The following HEPACAM variants were observed in gnomAD, a reference collection of about 807,000 sequenced individuals.
HEPACAM encodes the protein hepatocyte cell adhesion molecule.
Under a neutral mutation model 38.3 loss-of-function variants are expected in HEPACAM, and 18 were observed. The ratio of observed to expected loss-of-function variants is 0.47; its 90% CI spans 0.33 to 0.70. HEPACAM has a LOEUF of 0.70. Among genes scored for constraint, HEPACAM ranks in the 30% least tolerant of loss-of-function variants. The probability of loss-of-function intolerance (pLI) is 0.03; values close to 1 mark genes in which losing one functional copy is unlikely to be tolerated. For missense variants in HEPACAM, 466 were observed against 563.0 expected (o/e 0.83, Z 1.74); for synonymous variants, 216 against 243.1 (o/e 0.89, Z 1.04).
At chr11:124,930,855 T>C (rs1363786620) in intron 1 of HEPACAM, among the ~76,000 whole-genome samples, 3 of 152,214 alleles carry the variant, frequency 2.0e-5, no homozygotes, top group African/African-American at 7.2e-5. Flanking sequence ...TTTGGATGGA[T>C]TGCAGATCTA....
Position 124,925,034 on chromosome 11 carries a change from G to A in HEPACAM, c.121C>T (p.Arg41Cys), listed in dbSNP as rs917878985. The A allele has an allele frequency of 8.7e-6, 14 of 1,602,550 alleles. No individual in the cohort carries two copies. Among genetic ancestry groups the A allele is most frequent in the South Asian group, 3.3e-5 (3 of 89,858 alleles). Reference protein sequence around the residue: ...LEGVNITSPVRLIHGTVGKSA... With the variant: ...LEGVNITSPVCLIHGTVGKSA... ...TTCCCCACGGTGCCATGGATCAGGC[G>A]CACGGGGCTGGTGATGTTCACCCCC... The change falls in exon 2 of 7, where the codon CGC (arginine) becomes TGC (cysteine). Residue 41 changes from arginine to cysteine, a missense_variant. By Grantham distance (180) the Arg-to-Cys change is radical. Transcript: ENST00000298251.
At chr11:124,927,024 A>G (rs1947221247) in intron 1 of HEPACAM, among the ~76,000 whole-genome samples, 1 of 151,846 alleles carries the variant, frequency 6.6e-6, no homozygotes. Context: ...GCCCGCCACC[A>G]CGCCCGGCCA....
Position 124,919,628 on chromosome 11 carries a change from C to T in HEPACAM, c.*1510G>A. On this transcript the variant is annotated 3_prime_UTR_variant, in exon 7 of 7. Coordinates refer to ENST00000298251, the MANE Select transcript of HEPACAM (RefSeq NM_152722.5). ...CGAAGGCACACCTGCTCAAATGAGC[C>T]TGGGGAAGTGCCGAGGGACAGGGAG... is the stretch of plus-strand genomic sequence containing the variant. 1 of 1,134,034 alleles carries T rather than the reference C, an allele frequency of 8.8e-7. No individual in the cohort carries two copies. 70.2% of individuals were successfully genotyped at this position (1,134,034 alleles called of 1,614,324 possible).
intron 1 of HEPACAM, among the ~76,000 whole-genome samples, chr11:124,935,501 T>C (rs1441168734): frequency 6.6e-6 from 1 of 152,154 alleles, no homozygotes. Context: ...TCATCTGCCT[T>C]ACTCTTTTAC....
In HEPACAM at chr11:124,920,432, G is replaced by A; in HGVS notation, c.*706C>T. On this transcript the variant is annotated 3_prime_UTR_variant, in exon 7 of 7. Coordinates refer to ENST00000298251, the MANE Select transcript of HEPACAM (RefSeq NM_152722.5). ...CCTCCGAGGGAGGCTGTGGGAGGAG[G>A]CCAAGCTGGCAGGCTCGGGTTCTTT... 1 of 1,547,498 alleles carries A rather than the reference G, an allele frequency of 6.5e-7. No individual in the cohort carries two copies. Among genetic ancestry groups the A allele is most frequent in the Non-Finnish European group, 8.7e-7 (1 of 1,145,678 alleles).
At chr11:124,928,914 A>G (rs1947250730) in intron 1 of HEPACAM, among the ~76,000 whole-genome samples, 1 of 152,228 alleles carries the variant, frequency 6.6e-6, no homozygotes. Context: ...ACAGGTGTGC[A>G]TCCTCAACTT....
rs1947340898 is a variant in HEPACAM, at chr11:124,935,948, A to C, written c.59T>G (p.Phe20Cys). Residue 20 changes from phenylalanine (F) to cysteine (C), a missense_variant, in exon 1 of 7, where the codon TTT becomes TGT. Phe to Cys is a radical substitution (Grantham distance 205). Coordinates refer to ENST00000298251, the MANE Select transcript of HEPACAM (RefSeq NM_152722.5). ...RASRALRLAP[F>C]VYLLLIQTDP... ...TGTCTGGATCAGAAGAAGGTAGACA[A>C]AAGGAGCAAGGCGCAGGGCCCTGGA... is the stretch of plus-strand genomic sequence containing the variant. 1 of 1,613,830 alleles carries C rather than the reference A, an allele frequency of 6.2e-7. No individual in the cohort carries two copies. Among genetic ancestry groups the C allele is most frequent in the Non-Finnish European group, 8.5e-7 (1 of 1,179,980 alleles).
chr11:124,922,573 A>T, intron 5 of HEPACAM, 115 bp from the exon 6 acceptor site: 1 of 1,601,442 alleles, frequency 6.2e-7, no homozygotes, highest in Non-Finnish European at 8.5e-7. Context: ...ACATATCTGA[A>T]TATCCTGGCT....
chr11:124,932,598 G>A (rs1233614866), intron 1 of HEPACAM, among the ~76,000 whole-genome samples: 1 of 152,120 alleles, frequency 6.6e-6, no homozygotes, highest in East Asian at 1.9e-4. Flanking sequence ...ATAAGATTAA[G>A]GTAAATCTTG....
chr11:124,924,674 C>A lies in HEPACAM; in HGVS notation c.427+54G>T. The stretch of plus-strand genomic sequence containing the variant: ...AGTCTAGCTGGTGCGCTGGGCAGAC[C>A]TTTCCCTAGTCCCACCTGCCAGTCT... On this transcript the variant is annotated intron_variant, in intron 2 of 6. Transcript: ENST00000298251. This position sits in a 1 kb window ranked among gnomAD's most constrained non-coding sequence, Gnocchi z 4.4. The A allele has an allele frequency of 6.6e-7, 1 of 1,507,326 alleles. No homozygotes were observed. The highest frequency in any genetic ancestry group is 2.3e-5 in the East Asian group (1 of 44,396). The allele number at this position is 1,507,326 out of a possible 1,614,324, so 93.4% of individuals were successfully genotyped here.
At position 124,921,212 on chromosome 11, in the gene HEPACAM, G is replaced by A. The variant is rs1947131141; in HGVS notation, c.1177C>T (p.Arg393Cys). The A allele has an allele frequency of 6.7e-7, 1 of 1,484,280 alleles. No homozygotes were observed. The highest frequency in any genetic ancestry group is 1.3e-5 in the South Asian group (1 of 78,902). 91.9% of individuals were successfully genotyped at this position (1,484,280 alleles called of 1,614,324 possible). The change falls in exon 7 of 7, where the codon CGC becomes TGC. Residue 393 changes from arginine (R) to cysteine (C), a missense_variant. Coordinates refer to ENST00000298251, the MANE Select transcript of HEPACAM (RefSeq NM_152722.5). This position sits in a 1 kb window ranked among gnomAD's most constrained non-coding sequence, Gnocchi z 4.6. ...TGCACGCCCGCAGTCCGCAGTGTGC[G>A]CGAGGCGCTGCGCGAGCGGCCGGGC... ...SSPGRSRSAS[R>C]TLRTAGVHII... is the part of the protein sequence containing the mutation.
intron 1 of HEPACAM, among the ~76,000 whole-genome samples, chr11:124,934,642 C>T (rs1947320831): frequency 6.6e-6 from 1 of 151,928 alleles, no homozygotes; most frequent in Non-Finnish European, 1.5e-5. Context: ...CATGGCCCTG[C>T]TGACACCTCG....
intron 1 of HEPACAM, among the ~76,000 whole-genome samples, chr11:124,933,179 A>G (rs1396322668): frequency 2.0e-5 from 3 of 151,798 alleles, no homozygotes; most frequent in East Asian, 1.9e-4. Context: ...CTTACATTAT[A>G]ATTTTTTTTT....
At chr11:124,934,977 C>G in intron 1 of HEPACAM, among the ~76,000 whole-genome samples, 1 of 152,176 alleles carries the variant, frequency 6.6e-6, no homozygotes. Context: ...TGGGCTCTGA[C>G]TAAACACTTG....
Position 124,924,719 on chromosome 11 carries a change from G to A in HEPACAM, c.427+9C>T. On this transcript the variant is annotated intron_variant, in intron 2 of 6. Coordinates refer to ENST00000298251, the MANE Select transcript of HEPACAM (RefSeq NM_152722.5). This position sits in a 1 kb window ranked among gnomAD's most constrained non-coding sequence, Gnocchi z 4.4. ...CAGTCTTGCCTCTTTCCCTGCCAGA[G>A]CGCTTTACCATCTACAGTAAGGTTG... 1 of 1,610,880 alleles carries A rather than the reference G, an allele frequency of 6.2e-7. No homozygotes were observed. The highest frequency in any genetic ancestry group is 8.5e-7 in the Non-Finnish European group (1 of 1,177,112).
chr11:124,920,569 TC>T lies in HEPACAM; in HGVS notation c.*568del. The T allele has an allele frequency of 3.1e-6, 4 of 1,281,564 alleles. No individual in the cohort carries two copies. Among genetic ancestry groups the T allele is most frequent in the Non-Finnish European group, 3.0e-6 (3 of 992,880 alleles). The allele number at this position is 1,281,564 out of a possible 1,614,324, so 79.4% of individuals were successfully genotyped here. A position where few individuals can be genotyped will look rare whatever the true frequency, so the allele number is the denominator to read the frequency against. On this transcript the variant is annotated 3_prime_UTR_variant, in exon 7 of 7. Coordinates refer to ENST00000298251, the MANE Select transcript of HEPACAM (RefSeq NM_152722.5). ...CCAGGGAAGAAGGCCTTCACAATGATCCCCCCAGCTCAGAACAGCCCCTGCA... is the reference window on the plus strand; with the variant it reads ...CCAGGGAAGAAGGCCTTCACAATGATCCCCCAGCTCAGAACAGCCCCTGCA...
intron 1 of HEPACAM, among the ~76,000 whole-genome samples, chr11:124,925,943 G>A (rs1376381952): frequency 8.5e-5 from 13 of 152,260 alleles, no homozygotes; most frequent in Admixed American, 1.3e-4. Flanking sequence ...GCTCACGCCT[G>A]TAATCGCAGC....
chr11:124,920,577 G>A lies in HEPACAM; in HGVS notation c.*561C>T. 1.6e-6 allele frequency: 2 copies of A among 1,245,610 alleles called. No homozygotes were observed. The highest frequency in any genetic ancestry group is 2.1e-6 in the Non-Finnish European group (2 of 973,098). The allele number at this position is 1,245,610 out of a possible 1,614,324, so 77.2% of individuals were successfully genotyped here. On this transcript the variant is annotated 3_prime_UTR_variant, in exon 7 of 7. Coordinates refer to ENST00000298251, the MANE Select transcript of HEPACAM (RefSeq NM_152722.5). The stretch of plus-strand genomic sequence containing the variant: ...GAAGGCCTTCACAATGATCCCCCCA[G>A]CTCAGAACAGCCCCTGCACACCCAG...
At chr11:124,922,717 A>T in intron 5 of HEPACAM, 28 bp downstream of exon 5, 1 of 1,613,984 alleles carries the variant, frequency 6.2e-7, no homozygotes, top group Non-Finnish European at 8.5e-7. Flanking sequence ...TGTTGATGGG[A>T]TGGGTGATTG....
Sources: gnomAD v4.1 joint callset for allele counts (sites outside exome capture counted in the v4.1 genomes callset) on GRCh38, gnomAD v4.1.1 for gene constraint, Gnocchi (gnomAD v3.1) non-coding constraint, MANE v1.5 for transcripts, NCBI Gene and HGNC (gene_info 2026-07-23, HGNC 2026-07-21) for gene names.